Variants in USP30 observed in about 807,000 individuals in gnomAD.
USP30 encodes the protein ubiquitin carboxyl-terminal hydrolase 30.
A neutral mutation model predicts 68.2 loss-of-function variants in USP30; 41 were observed. That is an observed-to-expected ratio of 0.60 (90% CI 0.47 to 0.78). USP30 has a LOEUF of 0.78. USP30 is among the 30% of genes least tolerant of loss of function. The pLI, the probability that USP30 is intolerant of heterozygous loss-of-function variation, is 0.00. For missense variants in USP30, 522 were observed against 649.4 expected, an observed-to-expected ratio of 0.80 and a Z score of 2.13; for synonymous variants, 229 against 253.7, an observed-to-expected ratio of 0.90 and a Z score of 0.93.
intron 1 of USP30, among the ~76,000 whole-genome samples, chr12:109,055,683 C>T (rs1185247500): frequency 1.3e-5 from 2 of 150,290 alleles, no homozygotes; most frequent in East Asian, 3.9e-4. Flanking sequence ...AGGCATGAGC[C>T]ATCACACCTG....
chr12:109,042,988 A>C (rs1322006061), intron 3 of USP30, among the ~76,000 whole-genome samples: 7 of 152,196 alleles, frequency 4.6e-5, no homozygotes, highest in African/African-American at 1.7e-4. Context: ...GAAGTGACAA[A>C]AACTATTTCA....
At chr12:109,024,049 C>T (rs528681962) in intron 1 of USP30, among the ~76,000 whole-genome samples, 25 of 152,240 alleles carry the variant, frequency 1.6e-4, no homozygotes, top group Admixed American at 1.2e-3. Context: ...TGGGGACTCT[C>T]TTCCCAGCTC....
At chr12:109,047,667 T>A (rs1490273380), upstream of USP30, 2 of 152,160 alleles carry the variant, frequency 1.3e-5, no homozygotes, top group Non-Finnish European at 2.9e-5. Context: ...CTAGGGTCCA[T>A]CCTCTGGGCC....
At chr12:109,031,313 G>T (rs1944306735) in intron 3 of USP30, among the ~76,000 whole-genome samples, 1 of 152,114 alleles carries the variant, frequency 6.6e-6, no homozygotes, top group South Asian at 2.1e-4. Flanking sequence ...GTCCTCAATG[G>T]CATTGTCTTT....
chr12:109,041,922 T>G (rs2040568080), intron 3 of USP30, among the ~76,000 whole-genome samples: 1 of 152,050 alleles, frequency 6.6e-6, no homozygotes, highest in South Asian at 2.1e-4. Context: ...AATGACTGCA[T>G]AAAGAAAGAC....
intron 1 of USP30, chr12:109,054,123 A>C: frequency 2.2e-6 from 1 of 454,436 alleles, no homozygotes; most frequent in Non-Finnish European, 4.4e-6. Context: ...AGCACTGGTA[A>C]AGCACCTTAG....
In USP30 at chr12:109,083,047, G is replaced by A. The variant is rs995396195; in HGVS notation, c.1153G>A (p.Gly385Arg). The A allele has an allele frequency of 6.2e-7, 1 of 1,610,512 alleles. No homozygotes were observed. The highest frequency in any genetic ancestry group is 1.3e-5 in the African/African-American group (1 of 74,818). Reference protein sequence around the residue: ...GPTLELQDGPGAPTPVLNQPG... With the variant: ...GPTLELQDGPRAPTPVLNQPG... ...TACACTGGAGCTGCAGGATGGGCCG[G>A]GAGCCCCCACACCAGGTGTGTGCGC... Residue 385 changes from glycine to arginine, a missense_variant, in exon 11 of 13, where the codon GGA (glycine) becomes AGA (arginine). Transcript: ENST00000257548.
chr12:109,076,783 G>C (rs1202240428), intron 7 of USP30, among the ~76,000 whole-genome samples: 1 of 145,100 alleles, frequency 6.9e-6, no homozygotes, highest in African/African-American at 2.6e-5. Context: ...CCAGGCTGGA[G>C]TGCAGTGGCG....
Position 109,067,544 on chromosome 12 carries a change from A to G in USP30, c.397A>G (p.Thr133Ala), listed in dbSNP as rs2041298208. The change falls in exon 4 of 13, where the codon ACT becomes GCT. Residue 133 changes from threonine to alanine, a missense_variant. Transcript: ENST00000257548. The part of the protein sequence containing the change: ...LLKALSCQEV[T>A]DDEVLDASCL... ...TCCAGCCTTGTCCTGCCAAGAAGTT[A>G]CTGATGATGAGGTCTTAGATGCAAG... 1 of 1,614,144 alleles carries G rather than the reference A, an allele frequency of 6.2e-7. No homozygotes were observed. Among genetic ancestry groups the G allele is most frequent in the African/African-American group, 1.3e-5 (1 of 75,042 alleles).
chr12:109,079,663 G>A (rs2041738830), intron 7 of USP30, among the ~76,000 whole-genome samples: 2 of 151,870 alleles, frequency 1.3e-5, no homozygotes, highest in African/African-American at 4.8e-5. Flanking sequence ...ACCATACCTG[G>A]CCTGATTCTT....
At chr12:109,062,661 G>T (rs1323710273) in intron 3 of USP30, among the ~76,000 whole-genome samples, 1 of 151,962 alleles carries the variant, frequency 6.6e-6, no homozygotes, top group African/African-American at 2.4e-5. Context: ...TGGTCTTATA[G>T]TTTGTCTTCT....
chr12:109,072,572 G>A (rs1341769691), intron 6 of USP30, among the ~76,000 whole-genome samples: 1 of 152,052 alleles, frequency 6.6e-6, no homozygotes, highest in Non-Finnish European at 1.5e-5. Context: ...TGGCTTATTT[G>A]TACTTCAAAC....
At chr12:109,052,542 C>T (rs1054284341), upstream of USP30, 1 of 811,048 alleles carries the variant, frequency 1.2e-6, no homozygotes, top group Non-Finnish European at 1.8e-6. Context: ...TGGGAGCTGT[C>T]CTGCGGTCTA....
At chr12:109,085,451 C>G (rs940366273) in intron 12 of USP30, among the ~76,000 whole-genome samples, 16 of 152,096 alleles carry the variant, frequency 1.1e-4, no homozygotes, top group Non-Finnish European at 2.2e-4. Flanking sequence ...CTCATTGATA[C>G]AAACATCCAC....
rs147123922 is a variant in USP30, at chr12:109,085,065, C to T, written c.1281C>T (p.Pro427=). ...TGCCCTTCCCTCTCCCAGTTGTTCC[C>T]GACTACAGGTGAGCCACCCTTTACA... ...APMPFPLPVV[P]DYSSSTYLFR... The change falls in exon 12 of 13, where the codon CCC becomes CCT. Residue 427 remains proline (P), a synonymous_variant. Transcript: ENST00000257548. 5.6e-5 allele frequency: 89 copies of T among 1,585,256 alleles called. No individual in the cohort carries two copies. In the African/African-American group the frequency reaches 7.4e-4, roughly 13 times the overall value.
intron 3 of USP30, among the ~76,000 whole-genome samples, chr12:109,060,386 A>G (rs747361816): frequency 6.6e-6 from 1 of 152,246 alleles, no homozygotes; most frequent in Non-Finnish European, 1.5e-5. Context: ...TTTAAAAAAC[A>G]TTCAGCTAAA....
intron 3 of USP30, among the ~76,000 whole-genome samples, chr12:109,066,001 C>A (rs2041235181): frequency 6.6e-6 from 1 of 152,166 alleles, no homozygotes; most frequent in African/African-American, 2.4e-5. Context: ...CCTGTAATCC[C>A]AGCACGTTGG....
intron 3 of USP30, among the ~76,000 whole-genome samples, chr12:109,036,066 G>C (rs2040516805): frequency 2.0e-5 from 3 of 150,792 alleles, no homozygotes; most frequent in Non-Finnish European, 4.5e-5. Flanking sequence ...AGGCTGAGGT[G>C]GGAGGATTGC....
rs2041985219 is a variant in USP30 at position 109,087,943 on chromosome 12, G to A, written c.*2012G>A. The A allele has an allele frequency of 4.0e-6, 1 of 251,118 alleles. No homozygotes were observed. The highest frequency in any genetic ancestry group is 7.5e-6 in the Non-Finnish European group (1 of 133,532). 15.6% of individuals were successfully genotyped at this position (251,118 alleles called of 1,614,324 possible). ...AACTAGTAGTTTTGCCATAATAACT[G>A]CTGATTTATGTATTTGCTAAAGGTA... On this transcript the variant is annotated 3_prime_UTR_variant, in exon 13 of 13. Coordinates refer to ENST00000257548, the MANE Select transcript of USP30 (RefSeq NM_032663.5).
Sources: gnomAD v4.1 joint callset for allele counts (sites outside exome capture counted in the v4.1 genomes callset) on GRCh38, gnomAD v4.1.1 for gene constraint, MANE v1.5 for transcripts, NCBI Gene and HGNC (gene_info 2026-07-23, HGNC 2026-07-21) for gene names.